Variants in PAQR5 observed in about 807,000 individuals in gnomAD.
The protein encoded by PAQR5 is progestin and adipoQ receptor family member 5.
PAQR5 carries 20 observed loss-of-function variants against 34.5 expected under a neutral mutation model. That is an observed-to-expected ratio of 0.58 (90% CI 0.41 to 0.84). The LOEUF is 0.84. Among genes scored for constraint, PAQR5 ranks in the 40% least tolerant of loss-of-function variants. The pLI is 0.00. For synonymous variants in PAQR5, 131 were observed against 155.6 expected, an observed-to-expected ratio of 0.84 and a Z score of 1.18; for missense variants, 378 against 412.7, an observed-to-expected ratio of 0.92 and a Z score of 0.73.
At chr15:69,322,090 A>T (rs1263270700) in intron 1 of PAQR5, among the ~76,000 whole-genome samples, 1 of 139,244 alleles carries the variant, frequency 7.2e-6, no homozygotes, top group Non-Finnish European at 1.5e-5. Context: ...CTGTAATCCC[A>T]GCACTTTTGG....
At chr15:69,313,518 A>C (rs1349717875) in intron 1 of PAQR5, among the ~76,000 whole-genome samples, 1 of 152,174 alleles carries the variant, frequency 6.6e-6, no homozygotes, top group Non-Finnish European at 1.5e-5. Context: ...CGGCAACAAC[A>C]ACCAAATAAA....
At chr15:69,358,793 C>A (rs1178475577) in intron 2 of PAQR5, among the ~76,000 whole-genome samples, 1 of 151,864 alleles carries the variant, frequency 6.6e-6, no homozygotes, top group Non-Finnish European at 1.5e-5. Context: ...TTAATTTCTT[C>A]TTTGTAGAAA....
chr15:69,374,088 C>CTTA (rs2055636649), intron 3 of PAQR5, among the ~76,000 whole-genome samples: 1 of 152,140 alleles, frequency 6.6e-6, no homozygotes, highest in Non-Finnish European at 1.5e-5. Context: ...AAAAAGCATT[C>CTTA]TTATGCTTGA....
At chr15:69,323,737 G>C (rs1376528206) in intron 1 of PAQR5, among the ~76,000 whole-genome samples, 1 of 152,198 alleles carries the variant, frequency 6.6e-6, no homozygotes, top group Non-Finnish European at 1.5e-5. Flanking sequence ...CAAATCCCTA[G>C]ATTTGCTGAT....
intron 3 of PAQR5, among the ~76,000 whole-genome samples, chr15:69,373,422 T>C (rs1504623): frequency 0.94 from 142,760 of 152,186 alleles, 67,672 homozygotes; most frequent in East Asian, 1. Flanking sequence ...AATCAATGCC[T>C]AAAACTGAAA....
chr15:69,317,371 G>T (rs2053978300), intron 1 of PAQR5, among the ~76,000 whole-genome samples: 2 of 152,088 alleles, frequency 1.3e-5, no homozygotes, highest in African/African-American at 2.4e-5. Flanking sequence ...TACAAGACAT[G>T]CCCTTTCCCA....
intron 3 of PAQR5, among the ~76,000 whole-genome samples, chr15:69,377,355 C>T (rs2055735613): frequency 6.6e-6 from 1 of 152,210 alleles, no homozygotes; most frequent in South Asian, 2.1e-4. Flanking sequence ...TATTTGCCTC[C>T]TTGTCATCAG....
chr15:69,388,606 G>A (rs1193548521), intron 5 of PAQR5, among the ~76,000 whole-genome samples: 8 of 152,266 alleles, frequency 5.3e-5, no homozygotes, highest in African/African-American at 1.9e-4. Flanking sequence ...CCAGACAAAG[G>A]GCTTGCCTGT....
chr15:69,350,995 C>T (rs1374285601), intron 2 of PAQR5, among the ~76,000 whole-genome samples: 2 of 152,184 alleles, frequency 1.3e-5, no homozygotes, highest in African/African-American at 4.8e-5. Context: ...GCCCTCTAGT[C>T]AGAGGCGAGG....
chr15:69,300,346 C>G (rs555564209), intron 1 of PAQR5, among the ~76,000 whole-genome samples: 2 of 152,252 alleles, frequency 1.3e-5, no homozygotes, highest in South Asian at 4.1e-4. Flanking sequence ...ACCTGGCACA[C>G]GGAAGGTGCT....
At chr15:69,368,726 G>T (rs969001951) in intron 3 of PAQR5, among the ~76,000 whole-genome samples, 9 of 111,878 alleles carry the variant, frequency 8.0e-5, no homozygotes, top group African/African-American at 2.9e-4. Flanking sequence ...TTCCTTTGAT[G>T]TATTTTAAAT....
At chr15:69,333,182 C>A (rs1030316580) in intron 1 of PAQR5, among the ~76,000 whole-genome samples, 5 of 151,944 alleles carry the variant, frequency 3.3e-5, no homozygotes, top group African/African-American at 1.2e-4. Flanking sequence ...CCTAAGATAA[C>A]TTCTGGTAGC....
chr15:69,380,014 C>G lies in PAQR5; in HGVS notation c.179+4C>G, dbSNP rs201954386. On this transcript the variant is annotated splice_donor_region_variant and intron_variant, in intron 4 of 8. Transcript: ENST00000395407. The stretch of plus-strand genomic sequence containing the variant: ...GGACTCACTTGCTGCCCTTCTGGTA[C>G]CTTCTGGCCCCCTCGACCGGCCTGT... 3 of 1,613,994 alleles carry G rather than the reference C, an allele frequency of 1.9e-6. No individual in the cohort carries two copies. The highest frequency in any genetic ancestry group is 2.5e-6 in the Non-Finnish European group (3 of 1,179,912).
intron 1 of PAQR5, among the ~76,000 whole-genome samples, chr15:69,308,400 G>A (rs899318032): frequency 6.6e-6 from 1 of 152,166 alleles, no homozygotes; most frequent in Non-Finnish European, 1.5e-5. Context: ...TGTATCATGG[G>A]GACATGACAG....
intron 1 of PAQR5, among the ~76,000 whole-genome samples, chr15:69,333,178 A>T (rs976055880): frequency 6.6e-6 from 1 of 151,972 alleles, no homozygotes; most frequent in Non-Finnish European, 1.5e-5. Flanking sequence ...AGGCCCTAAG[A>T]TAACTTCTGG....
At chr15:69,343,517 C>T (rs2054692041) in intron 2 of PAQR5, among the ~76,000 whole-genome samples, 1 of 152,206 alleles carries the variant, frequency 6.6e-6, no homozygotes, top group Admixed American at 6.5e-5. Context: ...GTAAAAGAGC[C>T]TTTAAAGATC....
At chr15:69,339,716 A>G (rs2054595803) in intron 2 of PAQR5, among the ~76,000 whole-genome samples, 1 of 152,020 alleles carries the variant, frequency 6.6e-6, no homozygotes, top group African/African-American at 2.4e-5. Context: ...CAAGTGATCC[A>G]CTCACCTGGG....
chr15:69,348,577 T>C (rs1016869880), intron 2 of PAQR5, among the ~76,000 whole-genome samples: 8 of 152,198 alleles, frequency 5.3e-5, no homozygotes, highest in Admixed American at 6.5e-5. Context: ...CATGTGTTAG[T>C]TGGGTACTGT....
At chr15:69,350,883 G>A (rs745478029) in intron 2 of PAQR5, among the ~76,000 whole-genome samples, 3 of 152,202 alleles carry the variant, frequency 2.0e-5, no homozygotes, top group Non-Finnish European at 4.4e-5. Context: ...GTGACCCAGG[G>A]TAACTGTGCT....
Sources: gnomAD v4.1 joint callset for allele counts (sites outside exome capture counted in the v4.1 genomes callset) on GRCh38, gnomAD v4.1.1 for gene constraint, MANE v1.5 for transcripts, NCBI Gene and HGNC (gene_info 2026-07-23, HGNC 2026-07-21) for gene names.